Variants in KCNIP4 observed in about 807,000 individuals in gnomAD.
KCNIP4 encodes potassium voltage-gated channel interacting protein 4, also known as Kv channel-interacting protein 4.
A neutral mutation model predicts 34.0 loss-of-function variants in KCNIP4; 12 were observed. The observed-to-expected ratio is 0.35, with a 90% confidence interval of 0.23 to 0.57. The LOEUF is 0.57. Among genes scored for constraint, KCNIP4 ranks in the 20% least tolerant of loss-of-function variants. The pLI, the probability that KCNIP4 is intolerant of heterozygous loss-of-function variation, is 0.83. For missense variants in KCNIP4, 238 were observed against 311.7 expected (o/e 0.76, Z 1.78); for synonymous variants, 124 against 102.2 (o/e 1.21, Z -1.29).
At chr4:21,710,111 A>G (rs569950898) in intron 1 of KCNIP4, among the ~76,000 whole-genome samples, 6 of 152,208 alleles carry the variant, frequency 3.9e-5, no homozygotes, top group Non-Finnish European at 4.4e-5. Flanking sequence ...TTTGACTTAC[A>G]TAAGGCAGAA....
chr4:21,759,914 T>C (rs1488320674), intron 1 of KCNIP4, among the ~76,000 whole-genome samples: 1 of 151,978 alleles, frequency 6.6e-6, no homozygotes, highest in Non-Finnish European at 1.5e-5. Flanking sequence ...AATATACTGC[T>C]CCTTTAGATT....
At chr4:21,219,443 A>G (rs1048125679) in intron 1 of KCNIP4, among the ~76,000 whole-genome samples, 3 of 152,214 alleles carry the variant, frequency 2.0e-5, no homozygotes, top group Non-Finnish European at 1.5e-5. Context: ...TAACATAAAG[A>G]GAAGAAGATT....
chr4:21,270,553 A>C (rs934919851), intron 1 of KCNIP4, among the ~76,000 whole-genome samples: 17 of 152,250 alleles, frequency 1.1e-4, no homozygotes, highest in Admixed American at 1.1e-3. Flanking sequence ...TATTATGCAC[A>C]TGATAATTAT....
At chr4:21,434,299 T>G (rs1401576620) in intron 1 of KCNIP4, among the ~76,000 whole-genome samples, 1 of 152,214 alleles carries the variant, frequency 6.6e-6, no homozygotes, top group Admixed American at 6.5e-5. Context: ...ATAAACCATG[T>G]TATTTGGCAA....
intron 1 of KCNIP4, among the ~76,000 whole-genome samples, chr4:20,969,100 T>C (rs1336303400): frequency 6.6e-6 from 1 of 152,168 alleles, no homozygotes; most frequent in East Asian, 1.9e-4. Flanking sequence ...ACCCAGGAAA[T>C]ACTTCATCTG....
chr4:21,425,146 A>G (rs1459279823), intron 1 of KCNIP4, among the ~76,000 whole-genome samples: 1 of 152,152 alleles, frequency 6.6e-6, no homozygotes, highest in Non-Finnish European at 1.5e-5. Context: ...TGACCTTTGA[A>G]GGACTCTGGT....
chr4:21,205,919 T>C (rs1176914533), intron 1 of KCNIP4, among the ~76,000 whole-genome samples: 1 of 152,154 alleles, frequency 6.6e-6, no homozygotes, highest in Non-Finnish European at 1.5e-5. Flanking sequence ...CAGAAACAAA[T>C]ATAACATCCG....
intron 1 of KCNIP4, among the ~76,000 whole-genome samples, chr4:21,590,940 A>C (rs536893104): frequency 6.6e-6 from 1 of 152,064 alleles, no homozygotes; most frequent in East Asian, 1.9e-4. Context: ...TTCTCAGTGC[A>C]GAACCACTAC....
intron 1 of KCNIP4, among the ~76,000 whole-genome samples, chr4:21,447,457 A>T (rs938649749): frequency 2.0e-5 from 3 of 152,164 alleles, no homozygotes; most frequent in Admixed American, 6.5e-5. Context: ...GTCACCAAGT[A>T]TATGCTAATT....
chr4:20,929,375 A>C (rs1730213162), intron 1 of KCNIP4, among the ~76,000 whole-genome samples: 1 of 152,002 alleles, frequency 6.6e-6, no homozygotes, highest in African/African-American at 2.4e-5. Context: ...TAGAAAGAAA[A>C]TTTCTCAACA....
At chr4:21,850,252 CA>C in intron 1 of KCNIP4, 1 of 152,208 alleles carries the variant, frequency 6.6e-6, no homozygotes. Flanking sequence ...CATACTTCAG[CA>C]ACTGAGAGAC....
chr4:21,114,887 T>C (rs11732012), intron 1 of KCNIP4, among the ~76,000 whole-genome samples: 2,275 of 152,210 alleles, frequency 0.015, 18 homozygotes, highest in Non-Finnish European at 0.021. Context: ...CAGTATAAAG[T>C]CACTCCTCCA....
intron 1 of KCNIP4, among the ~76,000 whole-genome samples, chr4:21,815,330 T>C (rs1051578809): frequency 3.3e-5 from 5 of 152,180 alleles, no homozygotes; most frequent in African/African-American, 4.8e-5. Flanking sequence ...CCAGTAAGGA[T>C]TGTTGTGAAG....
At chr4:21,467,717 CTG>C (rs946303890) in intron 1 of KCNIP4, among the ~76,000 whole-genome samples, 1 of 152,134 alleles carries the variant, frequency 6.6e-6, no homozygotes, top group African/African-American at 2.4e-5. Flanking sequence ...CATATCAGCT[CTG>C]TGGCTTTTGG....
chr4:21,629,975 C>G (rs1445407280), intron 1 of KCNIP4, among the ~76,000 whole-genome samples: 1 of 147,804 alleles, frequency 6.8e-6, no homozygotes, highest in African/African-American at 2.5e-5. Context: ...CTAATCCTCT[C>G]TACTAGCTGA....
At chr4:21,342,971 A>ATT (rs912479468) in intron 1 of KCNIP4, among the ~76,000 whole-genome samples, 1 of 150,448 alleles carries the variant, frequency 6.6e-6, no homozygotes, top group African/African-American at 2.4e-5. Context: ...AAAACTGTTC[A>ATT]TTTTTTTTTC....
At chr4:21,496,639 A>T (rs531499699) in intron 1 of KCNIP4, among the ~76,000 whole-genome samples, 1 of 152,092 alleles carries the variant, frequency 6.6e-6, no homozygotes, top group South Asian at 2.1e-4. Context: ...GGGGTCCCCA[A>T]CCTTGGGGCT....
intron 1 of KCNIP4, among the ~76,000 whole-genome samples, chr4:21,376,660 T>C (rs28478326): frequency 0.055 from 8,301 of 152,250 alleles, 598 homozygotes; most frequent in African/African-American, 0.16. Flanking sequence ...ACCTGTATCA[T>C]GAAGTTTATT....
intron 1 of KCNIP4, among the ~76,000 whole-genome samples, chr4:20,894,592 G>C (rs910401840): frequency 6.6e-6 from 1 of 152,128 alleles, no homozygotes; most frequent in Non-Finnish European, 1.5e-5. Context: ...TCTACTCTAA[G>C]AGCTTTGGCT....
Sources: allele counts gnomAD v4.1 joint callset (sites outside exome capture counted in the v4.1 genomes callset), GRCh38; gene constraint gnomAD v4.1.1; transcripts MANE v1.5; gene names NCBI Gene and HGNC (gene_info 2026-07-23, HGNC 2026-07-21).